SNRPD2: variants seen among roughly 807,000 people sequenced by gnomAD.
SNRPD2 encodes small nuclear ribonucleoprotein Sm D2.
Under a neutral mutation model 11.5 loss-of-function variants are expected in SNRPD2, and 1 was observed. The observed-to-expected ratio is 0.09, with a 90% CI of 0.03 to 0.41. The LOEUF is 0.41. Ranked by LOEUF, SNRPD2 falls within the 10% of genes least tolerant of loss-of-function variation. SNRPD2 has a pLI of 0.98. For missense variants in SNRPD2, 77 were observed against 154.9 expected (o/e 0.50, Z 2.67); for synonymous variants, 63 against 61.5 (o/e 1.02, Z -0.12).
chr19:45,689,162 CTT>C (rs1197077343), intron 1 of SNRPD2: 1 of 519,412 alleles, frequency 1.9e-6, no homozygotes, highest in Non-Finnish European at 3.9e-6. Context: ...GGCAAAAACT[CTT>C]TTGTCAACTT....
At chr19:45,691,732 G>T in intron 1 of SNRPD2, 155 bp downstream of exon 1, 1 of 930,250 alleles carries the variant, frequency 1.1e-6, no homozygotes, top group African/African-American at 1.6e-5. Flanking sequence ...AAGGCCCCAC[G>T]CCCGTTCTCA....
chr19:45,689,320 G>T, intron 1 of SNRPD2: 2 of 519,440 alleles, frequency 3.9e-6, no homozygotes, highest in Non-Finnish European at 7.7e-6. Context: ...GTTCTCCACA[G>T]AGTGGTCTGA....
chr19:45,691,821 A>C (rs1967565770), intron 1 of SNRPD2, 66 bp downstream of exon 1: 1 of 1,576,854 alleles, frequency 6.3e-7, no homozygotes, highest in East Asian at 2.2e-5. Flanking sequence ...AACCCTTCCC[A>C]CACTCAATCG....
At chr19:45,690,324 C>T (rs1330866945) in intron 1 of SNRPD2, among the ~76,000 whole-genome samples, 5 of 105,232 alleles carry the variant, frequency 4.8e-5, no homozygotes, top group Non-Finnish European at 9.5e-5. Flanking sequence ...AGCGAGACTC[C>T]GTCTCAAAAA....
At chr19:45,692,006 A>C (rs530924639), upstream of SNRPD2, 2 of 1,609,072 alleles carry the variant, frequency 1.2e-6, no homozygotes, top group Non-Finnish European at 1.7e-6. Context: ...CGCAAAGCCA[A>C]CCAGTAAGTG....
rs1211243374 is a variant in SNRPD2, at chr19:45,688,930, T to TC, written c.3-365dup. 1.3e-5 allele frequency among the ~76,000 whole-genome samples: 2 copies of TC among 152,104 alleles called. No homozygotes were observed. Among genetic ancestry groups the TC allele is most frequent in the East Asian group, 3.8e-4 (2 of 5,196 alleles). On this transcript the variant is annotated intron_variant, in intron 1 of 2. Coordinates refer to ENST00000342669, the MANE Select transcript of SNRPD2 (RefSeq NM_001384647.1). This position sits in a 1 kb window ranked among gnomAD's most constrained non-coding sequence, Gnocchi z 4.1. ...TTTGTATTTTAGTAAACAGGGGGTT[T>TC]CACCATGTTGGCCAGGATGGTCTTG... is the stretch of plus-strand genomic sequence containing the variant.
In SNRPD2 at chr19:45,687,760, G is replaced by A. The variant is rs529345585; in HGVS notation, c.183-33C>T. 44 of 1,571,696 alleles carry A rather than the reference G, an allele frequency of 2.8e-5. No homozygotes were observed. The highest frequency in any genetic ancestry group is 2.2e-4 in the African/African-American group (16 of 74,196). ...GGAACAGGGAGGGGAGGCACTGGGC[G>A]TGAGGGGCGTGCCTCTGACAGTGCC... On this transcript the variant is annotated intron_variant, in intron 2 of 2. Coordinates refer to ENST00000342669, the MANE Select transcript of SNRPD2 (RefSeq NM_001384647.1). The surrounding 1 kb of genome is among the most constrained non-coding windows in gnomAD (Gnocchi z 4.1).
At position 45,687,736 on chromosome 19, in the gene SNRPD2, G is replaced by C. The variant is rs1967447119; in HGVS notation, c.183-9C>G. 6.2e-7 allele frequency: 1 copy of C among 1,611,902 alleles called. No individual in the cohort carries two copies. The highest frequency in any genetic ancestry group is 8.5e-7 in the Non-Finnish European group (1 of 1,178,940). On this transcript the variant is annotated splice_polypyrimidine_tract_variant and intron_variant, in intron 2 of 2. Transcript: ENST00000342669. The surrounding 1 kb of genome is among the most constrained non-coding windows in gnomAD (Gnocchi z 4.1). ...GCACCATGTTGCAGTGCCTGGTGGG[G>C]AACAGGGAGGGGAGGCACTGGGCGT...
At chr19:45,691,020 G>T (rs1401882125) in intron 1 of SNRPD2, among the ~76,000 whole-genome samples, 2 of 152,106 alleles carry the variant, frequency 1.3e-5, no homozygotes, top group Non-Finnish European at 2.9e-5. Context: ...TGTAAGTTGT[G>T]AATCAAGTCG....
intron 1 of SNRPD2, among the ~76,000 whole-genome samples, chr19:45,689,003 GATT>G (rs1207329406): frequency 6.6e-6 from 1 of 152,132 alleles, no homozygotes; most frequent in African/African-American, 2.4e-5. Context: ...AAAGTGCTGA[GATT>G]ATAGGCGTGA....
At chr19:45,689,321 A>C in intron 1 of SNRPD2, 1 of 519,418 alleles carries the variant, frequency 1.9e-6, no homozygotes, top group Admixed American at 1.9e-5. Context: ...TTCTCCACAG[A>C]GTGGTCTGAG....
chr19:45,688,529 C>G lies in SNRPD2; in HGVS notation c.40G>C (p.Glu14Gln). 1 of 1,614,140 alleles carries G rather than the reference C, an allele frequency of 6.2e-7. No homozygotes were observed. The change falls in exon 2 of 3, where the codon GAG becomes CAG. Residue 14 changes from glutamate (E) to glutamine (Q), a missense_variant. Coordinates refer to ENST00000342669, the MANE Select transcript of SNRPD2 (RefSeq NM_001384647.1). The surrounding 1 kb of genome is among the most constrained non-coding windows in gnomAD (Gnocchi z 4.1). ...TCCTCCTCTCGCTTCTGCAGCTCCT[C>G]TGGGGTCATCTCACTCTTGGGCTTG... is the stretch of plus-strand genomic sequence containing the variant. ...LNKPKSEMTP[E>Q]ELQKREEEEF...
intron 1 of SNRPD2, chr19:45,689,098 A>G: frequency 6.8e-6 from 3 of 438,870 alleles, no homozygotes; most frequent in Non-Finnish European, 1.4e-5. Context: ...AGCCTACCCT[A>G]TCTACAGCGT....
chr19:45,689,261 C>G (rs1274625996), intron 1 of SNRPD2: 1 of 520,126 alleles, frequency 1.9e-6, no homozygotes, highest in Non-Finnish European at 3.8e-6. Context: ...CATCTCTGTC[C>G]TGGAATCTTT....
At chr19:45,692,114 G>A (rs1967578399), upstream of SNRPD2, 2 of 1,110,066 alleles carry the variant, frequency 1.8e-6, no homozygotes, top group African/African-American at 1.6e-5. Flanking sequence ...AACCACACGG[G>A]GGCAGATGTT....
chr19:45,691,868 A>C lies in SNRPD2; in HGVS notation c.2+19T>G, dbSNP rs1568535349. ...ACCCTCAACCTCATTCCCGCCGCCT[A>C]AGCCTAGCCCGGCCTCACATGATGG... is the stretch of plus-strand genomic sequence containing the variant. On this transcript the variant is annotated intron_variant, in intron 1 of 2. Transcript: ENST00000342669. The C allele has an allele frequency of 6.2e-7, 1 of 1,613,938 alleles. No homozygotes were observed. Among genetic ancestry groups the C allele is most frequent in the African/African-American group, 1.3e-5 (1 of 74,996 alleles).
At chr19:45,690,329 CAAAAAAAAAA>C in intron 1 of SNRPD2, among the ~76,000 whole-genome samples, 1 of 74,590 alleles carries the variant, frequency 1.3e-5, no homozygotes, top group East Asian at 3.5e-4. Context: ...GACTCCGTCT[CAAAAAAAAAA>C]AAAAAAAAAA....
In SNRPD2 at chr19:45,688,276, C is replaced by T; in HGVS notation, c.182+111G>A. 1 of 920,154 alleles carries T rather than the reference C, an allele frequency of 1.1e-6. No individual in the cohort carries two copies. Among genetic ancestry groups the T allele is most frequent in the South Asian group, 1.6e-5 (1 of 62,186 alleles). 57.0% of individuals were successfully genotyped at this position (920,154 alleles called of 1,614,324 possible). ...GGGATTACAGGCATGAGCCACCACG[C>T]CTGGCCATACACCCCAGGCTTCTGA... On this transcript the variant is annotated intron_variant, in intron 2 of 2. Coordinates refer to ENST00000342669, the MANE Select transcript of SNRPD2 (RefSeq NM_001384647.1). This position sits in a 1 kb window ranked among gnomAD's most constrained non-coding sequence, Gnocchi z 4.1.
At chr19:45,690,325 G>A (rs1384418654) in intron 1 of SNRPD2, among the ~76,000 whole-genome samples, 2 of 90,514 alleles carry the variant, frequency 2.2e-5, no homozygotes, top group African/African-American at 7.8e-5. Context: ...GCGAGACTCC[G>A]TCTCAAAAAA....
Sources: gnomAD v4.1 joint callset for allele counts (sites outside exome capture counted in the v4.1 genomes callset) on GRCh38, gnomAD v4.1.1 for gene constraint, Gnocchi (gnomAD v3.1) non-coding constraint, MANE v1.5 for transcripts, NCBI Gene and HGNC (gene_info 2026-07-23, HGNC 2026-07-21) for gene names.